NR2F1-AS1: variants seen among roughly 807,000 people sequenced by gnomAD.
The protein encoded by NR2F1-AS1 is NR2F1 antisense RNA 1.
chr5:93,417,073 C>A (rs545917767), intron 4 of NR2F1-AS1, among the ~76,000 whole-genome samples: 131 of 152,260 alleles, frequency 8.6e-4, no homozygotes, highest in African/African-American at 3.1e-3. Context: ...CTAGTCTTTG[C>A]ACTATGCCAC....
intron 1 of NR2F1-AS1, among the ~76,000 whole-genome samples, chr5:93,569,063 C>T (rs1452255801): frequency 5.3e-5 from 8 of 152,164 alleles, no homozygotes; most frequent in Non-Finnish European, 1.0e-4. Flanking sequence ...CAATGACTTT[C>T]TCCCAGTATC....
intron 4 of NR2F1-AS1, among the ~76,000 whole-genome samples, chr5:93,503,599 C>A (rs903793086): frequency 2.0e-5 from 3 of 152,288 alleles, no homozygotes; most frequent in African/African-American, 7.2e-5. Context: ...ACAGTTTGTA[C>A]AACGTGGTTT....
intron 4 of NR2F1-AS1, among the ~76,000 whole-genome samples, chr5:93,512,028 T>C (rs1228618738): frequency 1.3e-5 from 2 of 152,302 alleles, no homozygotes; most frequent in Middle Eastern, 3.4e-3. Flanking sequence ...TATCAACTAA[T>C]ACTAGACTTT....
At chr5:93,583,478 TTG>T (rs1282127380), upstream of NR2F1-AS1, 1 of 151,926 alleles carries the variant, frequency 6.6e-6, no homozygotes, top group Non-Finnish European at 1.5e-5. Flanking sequence ...TCCCTCCTCC[TTG>T]TCTCTTTTAC....
chr5:93,467,350 T>C (rs1167217271), intron 4 of NR2F1-AS1, among the ~76,000 whole-genome samples: 1 of 152,194 alleles, frequency 6.6e-6, no homozygotes, highest in Non-Finnish European at 1.5e-5. Context: ...CAGAGAAGAC[T>C]TGTATCATTG....
Position 93,538,109 on chromosome 5 carries a change from C to G in NR2F1-AS1, n.638+15652G>C, listed in dbSNP as rs139610166. 1.4e-3 allele frequency among the ~76,000 whole-genome samples: 215 copies of G among 152,154 alleles called. 2 individuals carry two copies. Among genetic ancestry groups the G allele is most frequent in the African/African-American group, 5.0e-3 (207 of 41,522 alleles). ...CCTGAGCTGCAGGGATGGACTCCAG[C>G]CACATACAACCCTGAACTGGCATAA... On this transcript the variant is annotated intron_variant and non_coding_transcript_variant, in intron 4 of 5. Coordinates refer to ENST00000660523, the Ensembl canonical transcript of NR2F1-AS1.
chr5:93,571,293 T>G (rs1329886525), intron 1 of NR2F1-AS1: 1 of 150,844 alleles, frequency 6.6e-6, no homozygotes, highest in Non-Finnish European at 1.5e-5. Context: ...AAGGAAAGAG[T>G]CTGGACCCGG....
intron 1 of NR2F1-AS1, among the ~76,000 whole-genome samples, chr5:93,577,045 T>C (rs779658869): frequency 2.0e-5 from 3 of 152,206 alleles, no homozygotes; most frequent in Non-Finnish European, 4.4e-5. Context: ...AAAGTAAATA[T>C]TTGGCTCTAG....
intron 4 of NR2F1-AS1, among the ~76,000 whole-genome samples, chr5:93,486,945 T>C (rs7727107): frequency 0.13 from 19,159 of 152,142 alleles, 1,521 homozygotes; most frequent in African/African-American, 0.22. Flanking sequence ...GTTCAACATA[T>C]GCAAATCAAT....
chr5:93,446,651 C>T (rs1341414805), intron 4 of NR2F1-AS1, among the ~76,000 whole-genome samples: 2 of 152,162 alleles, frequency 1.3e-5, no homozygotes, highest in African/African-American at 4.8e-5. Flanking sequence ...AGATTCAATG[C>T]TATCCCCATC....
chr5:93,463,730 A>G (rs1317103212), intron 4 of NR2F1-AS1, among the ~76,000 whole-genome samples: 1 of 152,118 alleles, frequency 6.6e-6, no homozygotes, highest in Non-Finnish European at 1.5e-5. Context: ...GTCAAAGGAG[A>G]TCATTTTGGA....
At chr5:93,453,497 A>G (rs1209228547) in intron 4 of NR2F1-AS1, among the ~76,000 whole-genome samples, 1 of 152,146 alleles carries the variant, frequency 6.6e-6, no homozygotes, top group Non-Finnish European at 1.5e-5. Flanking sequence ...ACATATAATA[A>G]CATCATAACA....
chr5:93,458,486 T>C (rs1168975387), intron 4 of NR2F1-AS1, among the ~76,000 whole-genome samples: 1 of 152,100 alleles, frequency 6.6e-6, no homozygotes, highest in African/African-American at 2.4e-5. Context: ...CCTTTTATAG[T>C]GTAAGATAAG....
upstream of NR2F1-AS1, among the ~76,000 whole-genome samples, chr5:93,581,985 T>G (rs1753101008): frequency 9.0e-6 from 1 of 110,984 alleles, no homozygotes; most frequent in Non-Finnish European, 1.8e-5. Flanking sequence ...CCTCTCTCTC[T>G]CTCTCCCCTC....
chr5:93,534,490 C>T (rs545036808), intron 4 of NR2F1-AS1, among the ~76,000 whole-genome samples: 1 of 152,238 alleles, frequency 6.6e-6, no homozygotes, highest in African/African-American at 2.4e-5. Context: ...AAAATAAAGG[C>T]ATCCTTAATT....
At chr5:93,417,000 T>A (rs563906746) in intron 4 of NR2F1-AS1, among the ~76,000 whole-genome samples, 1 of 152,308 alleles carries the variant, frequency 6.6e-6, no homozygotes, top group African/African-American at 2.4e-5. Context: ...TAGATAACTA[T>A]CTCCATTTTA....
rs552380003 is a variant in NR2F1-AS1 at position 93,511,364 on chromosome 5, G to T, written n.638+42397C>A. Among the ~76,000 whole-genome samples, 12 of 152,228 alleles carry T rather than the reference G, an allele frequency of 7.9e-5. No individual in the cohort carries two copies. The South Asian group carries it at 2.1e-3, about 26-fold the overall frequency. ...GGGATTTACACCATCAGCTCACCTG[G>T]TTCTCAGTCCTTCAGATTCAGAATC... On this transcript the variant is annotated intron_variant and non_coding_transcript_variant, in intron 4 of 5. Coordinates refer to ENST00000660523, the Ensembl canonical transcript of NR2F1-AS1.
chr5:93,536,362 C>T (rs965202222), intron 4 of NR2F1-AS1, among the ~76,000 whole-genome samples: 2 of 152,026 alleles, frequency 1.3e-5, no homozygotes, highest in Non-Finnish European at 2.9e-5. Context: ...TCATACTACC[C>T]AAAGTGATCT....
intron 4 of NR2F1-AS1, among the ~76,000 whole-genome samples, chr5:93,415,289 CT>C (rs3832333): frequency 0.025 from 3,849 of 152,126 alleles, 80 homozygotes; most frequent in South Asian, 0.054. Context: ...GAGACTATGT[CT>C]TTTTTGGGGG....
Sources: allele counts gnomAD v4.1 joint callset (sites outside exome capture counted in the v4.1 genomes callset), GRCh38; gene constraint gnomAD v4.1.1; transcripts MANE v1.5; gene names NCBI Gene and HGNC (gene_info 2026-07-23, HGNC 2026-07-21).